SLC16A6: variants seen among roughly 807,000 people sequenced by gnomAD.
The protein encoded by SLC16A6 is monocarboxylate transporter 7.
Under a neutral mutation model 33.8 loss-of-function variants are expected in SLC16A6, and 15 were observed. The ratio of observed to expected loss-of-function variants is 0.44; its 90% confidence interval spans 0.30 to 0.68. The LOEUF (loss-of-function observed/expected upper bound fraction) is 0.68, where lower values mean the gene tolerates loss of function less well. SLC16A6 is among the 30% of genes least tolerant of loss of function. SLC16A6 has a pLI of 0.10. For synonymous variants in SLC16A6, 219 were observed against 248.4 expected (o/e 0.88, Z 1.11); for missense variants, 451 against 661.5 (o/e 0.68, Z 3.49).
In SLC16A6 at chr17:68,271,586, T is replaced by A; in HGVS notation, c.574A>T (p.Asn192Tyr). 1 of 1,614,212 alleles carries A rather than the reference T, an allele frequency of 6.2e-7. No individual in the cohort carries two copies. The highest frequency in any genetic ancestry group is 8.5e-7 in the Non-Finnish European group (1 of 1,180,038). Residue 192 changes from asparagine to tyrosine, a missense_variant, in exon 5 of 6, where the codon AAC becomes TAC. Asn to Tyr is a moderately radical substitution (Grantham distance 143, BLOSUM62 -2). Transcript: ENST00000580666. The surrounding 1 kb of genome is among the most constrained non-coding windows in gnomAD (Gnocchi z 5.3). ...AGCAGTGCTCCGAAGATGACAATGT[T>A]TAACTGTAGTAGGCCCACGAAGAGG... is the stretch of plus-strand genomic sequence containing the variant. Reference protein sequence around the residue: ...SLLFVGLLQLNIVIFGALLRP... With the variant: ...SLLFVGLLQLYIVIFGALLRP...
In SLC16A6 at chr17:68,290,572, G is replaced by A. The variant is rs532736619; in HGVS notation, c.-8+514C>T. On this transcript the variant is annotated intron_variant, in intron 1 of 5. Transcript: ENST00000580666. ...GGGGACAAACGGTGGCCGCCGCAGG[G>A]AGTGCTGTGTTTGGGGGTCGGGGGA... 1.8e-4 allele frequency among the ~76,000 whole-genome samples: 27 copies of A among 152,308 alleles called. No individual in the cohort carries two copies. The South Asian group carries it at 5.4e-3, about 30-fold the overall frequency.
chr17:68,290,008 A>T (rs539117357), intron 1 of SLC16A6, among the ~76,000 whole-genome samples: 43 of 152,296 alleles, frequency 2.8e-4, no homozygotes, highest in African/African-American at 8.9e-4. Context: ...GGACATGGGG[A>T]GATGCATGGT....
At chr17:68,289,320 C>T (rs1417287560) in intron 1 of SLC16A6, among the ~76,000 whole-genome samples, 3 of 152,092 alleles carry the variant, frequency 2.0e-5, no homozygotes, top group Admixed American at 6.6e-5. Context: ...AGGTATCTTG[C>T]CAAAGGCTTG....
intron 1 of SLC16A6, among the ~76,000 whole-genome samples, chr17:68,280,636 TA>T (rs1329838133): frequency 6.6e-6 from 1 of 152,196 alleles, no homozygotes; most frequent in Non-Finnish European, 1.5e-5. Flanking sequence ...AACAATCAAC[TA>T]AAAATGGATC....
chr17:68,283,703 T>C (rs1023654935), intron 1 of SLC16A6, among the ~76,000 whole-genome samples: 26 of 149,554 alleles, frequency 1.7e-4, no homozygotes, highest in African/African-American at 6.4e-4. Context: ...CTTGAAACCC[T>C]GTCTCTACTA....
chr17:68,290,755 T>G (rs1555755547), intron 1 of SLC16A6, among the ~76,000 whole-genome samples: 2 of 152,300 alleles, frequency 1.3e-5, no homozygotes, highest in Middle Eastern at 3.4e-3. Flanking sequence ...AGCCCCCGAC[T>G]CTTCCGACGT....
chr17:68,271,326 T>G lies in SLC16A6; in HGVS notation c.834A>C (p.Glu278Asp), dbSNP rs782098460. 6.2e-7 allele frequency: 1 copy of G among 1,614,262 alleles called. No homozygotes were observed. Among genetic ancestry groups the G allele is most frequent in the Non-Finnish European group, 8.5e-7 (1 of 1,180,046 alleles). Reference protein sequence around the residue: ...VLVKTSPRPSEKKAPLLDFSI... With the variant: ...VLVKTSPRPSDKKAPLLDFSI... ...AGAAGTCTAATAGCGGGGCTTTCTT[T>G]TCGCTTGGCCTGGGGCTGGTCTTCA... The change falls in exon 5 of 6, where the codon GAA (glutamate) becomes GAC (aspartate). Residue 278 changes from glutamate to aspartate, a missense_variant. Glu to Asp is a conservative substitution (Grantham distance 45). Around this residue, in one of 2 missense-constraint regions of SLC16A6, gnomAD observed 405 missense variants for 510.7 expected, o/e 0.79. Transcript: ENST00000580666. The surrounding 1 kb of genome is among the most constrained non-coding windows in gnomAD (Gnocchi z 5.3).
intron 1 of SLC16A6, among the ~76,000 whole-genome samples, chr17:68,290,614 T>C (rs542560795): frequency 9.8e-5 from 15 of 152,336 alleles, no homozygotes; most frequent in African/African-American, 3.6e-4. Context: ...GAGCCCCACT[T>C]TCCCTCGCGC....
chr17:68,275,462 T>C (rs782450951), intron 2 of SLC16A6, among the ~76,000 whole-genome samples: 7 of 152,192 alleles, frequency 4.6e-5, no homozygotes, highest in Non-Finnish European at 1.0e-4. Context: ...GGATGTTGGC[T>C]CAAAGCATTA....
chr17:68,291,403 C>G (rs1230042685), upstream of SLC16A6: 2 of 150,504 alleles, frequency 1.3e-5, no homozygotes, highest in Non-Finnish European at 3.0e-5. Flanking sequence ...CGGCTGCAGC[C>G]GGTCTCCGCC....
At position 68,283,801 on chromosome 17, in the gene SLC16A6, C is replaced by A. The variant is rs1482030301; in HGVS notation, c.-7-5474G>T. ...GCTGAGGCAGGAGAATCACTTGAACCTGGAAGGCAGAGGTTGTGGTGAGCC... is the reference window on the plus strand; with the variant it reads ...GCTGAGGCAGGAGAATCACTTGAACATGGAAGGCAGAGGTTGTGGTGAGCC... On this transcript the variant is annotated intron_variant, in intron 1 of 5. Coordinates refer to ENST00000580666, the MANE Select transcript of SLC16A6 (RefSeq NM_004694.5). Among the ~76,000 whole-genome samples the A allele has an allele frequency of 2.1e-5, 3 of 145,842 alleles. No homozygotes were observed. In the South Asian group the frequency reaches 6.5e-4, roughly 32 times the overall value.
chr17:68,269,117 G>A lies in SLC16A6; in HGVS notation c.1551C>T (p.His517=), dbSNP rs1568401875. The part of the protein sequence containing the change: ...MDLAKNEHRV[H]VQMEPV ...TGTGTCATACCGGCTCCATTTGCAC[G>A]TGAACTCTGTGCTCATTTTTTGCAA... Residue 517 remains histidine, a synonymous_variant, in exon 6 of 6, where the codon CAC becomes CAT. Coordinates refer to ENST00000580666, the MANE Select transcript of SLC16A6 (RefSeq NM_004694.5). 10 of 1,514,626 alleles carry A rather than the reference G, an allele frequency of 6.6e-6. No individual in the cohort carries two copies. Among genetic ancestry groups the A allele is most frequent in the Non-Finnish European group, 7.1e-6 (8 of 1,134,108 alleles). 93.8% of individuals were successfully genotyped at this position (1,514,626 alleles called of 1,614,324 possible). A position where few individuals can be genotyped will look rare whatever the true frequency, so the allele number is the denominator to read the frequency against.
rs191410348 is a variant in SLC16A6 at position 68,277,385 on chromosome 17, T to C, written c.232+704A>G. On this transcript the variant is annotated intron_variant, in intron 2 of 5. Transcript: ENST00000580666. ...GACCTCGTGATCCACCTGCCTCGGC[T>C]TTCCAAAGTGCTGGGATTACAGGCG... Among the ~76,000 whole-genome samples, 367 of 151,760 alleles carry C rather than the reference T, an allele frequency of 2.4e-3. 1 individual carries two copies. Among genetic ancestry groups the C allele is most frequent in the Admixed American group, 5.6e-3 (85 of 15,228 alleles).
chr17:68,273,829 G>C, intron 3 of SLC16A6, 98 bp downstream of exon 3: 1 of 1,409,824 alleles, frequency 7.1e-7, no homozygotes, highest in South Asian at 1.3e-5. Flanking sequence ...AAAAAAGAAA[G>C]AGAAAGAAAT....
Position 68,268,433 on chromosome 17 carries a change from T to C in SLC16A6, c.*663A>G, listed in dbSNP as rs1372644606. ...ACATTTATGAAGTTCAAGTTATATA[T>C]ATATATATATACTTAAAATTTGTTT... On this transcript the variant is annotated 3_prime_UTR_variant, in exon 6 of 6. Transcript: ENST00000580666. The C allele has an allele frequency of 6.6e-6, 1 of 152,318 alleles. No homozygotes were observed. The highest frequency in any genetic ancestry group is 2.4e-5 in the African/African-American group (1 of 41,394). The allele number at this position is 152,318 out of a possible 1,614,324, so 9.4% of individuals were successfully genotyped here.
chr17:68,271,116 A>G lies in SLC16A6; in HGVS notation c.1044T>C (p.Gly348=), dbSNP rs1555748400. 4 of 1,614,222 alleles carry G rather than the reference A, an allele frequency of 2.5e-6. No homozygotes were observed. The highest frequency in any genetic ancestry group is 1.7e-6 in the Non-Finnish European group (2 of 1,180,054). Residue 348 remains glycine (G), a synonymous_variant, in exon 5 of 6, where the codon GGT becomes GGC. Transcript: ENST00000580666. The surrounding 1 kb of genome is among the most constrained non-coding windows in gnomAD (Gnocchi z 5.3). ...IAEVFGRIGA[G]FVLNREPIRK... is the part of the protein sequence containing the mutation. ...GAATGGGCTCCCTGTTGAGGACAAA[A>G]CCAGCTCCGATCCTTCCGAAAACTT...
rs782376227 is a variant in SLC16A6 at position 68,274,024 on chromosome 17, T to C, written c.279A>G (p.Val93=). The C allele has an allele frequency of 1.2e-6, 2 of 1,614,112 alleles. No homozygotes were observed. The highest frequency in any genetic ancestry group is 4.5e-5 in the East Asian group (2 of 44,884). ...VLSNRFGHRL[V]VMLGGLLVST... is the part of the protein sequence containing the mutation. ...TGACAAGTAGCCCCCCCAACATCACTACCAGACGGTGTCCGAAACGATTGC... is the reference window on the plus strand; with the variant it reads ...TGACAAGTAGCCCCCCCAACATCACCACCAGACGGTGTCCGAAACGATTGC... The change falls in exon 3 of 6, where the codon GTA becomes GTG. Residue 93 remains valine, a synonymous_variant. Coordinates refer to ENST00000580666, the MANE Select transcript of SLC16A6 (RefSeq NM_004694.5).
At chr17:68,278,973 T>C (rs2075611814) in intron 1 of SLC16A6, among the ~76,000 whole-genome samples, 3 of 152,182 alleles carry the variant, frequency 2.0e-5, no homozygotes, top group African/African-American at 7.2e-5. Context: ...TGGATACTTT[T>C]ATGCATATAT....
At chr17:68,273,116 A>G (rs1200160202) in intron 3 of SLC16A6, among the ~76,000 whole-genome samples, 1 of 152,198 alleles carries the variant, frequency 6.6e-6, no homozygotes, top group African/African-American at 2.4e-5. Context: ...TATGTGCAGA[A>G]ATACAGGAAA....
Sources: gnomAD v4.1 joint callset for allele counts (sites outside exome capture counted in the v4.1 genomes callset) on GRCh38, gnomAD v4.1.1 for gene constraint, gnomAD v4.1.1 regional missense constraint, Gnocchi (gnomAD v3.1) non-coding constraint, MANE v1.5 for transcripts, NCBI Gene and HGNC (gene_info 2026-07-23, HGNC 2026-07-21) for gene names.